PDE10A: variants seen among roughly 807,000 people sequenced by gnomAD.
PDE10A encodes the protein cAMP and cAMP-inhibited cGMP 3',5'-cyclic phosphodiesterase 10A.
PDE10A carries 39 observed loss-of-function variants against 97.7 expected under a neutral mutation model. The ratio of observed to expected loss-of-function variants is 0.40; its 90% CI spans 0.31 to 0.52. PDE10A has a LOEUF of 0.52. Among genes scored for constraint, PDE10A ranks in the 20% least tolerant of loss-of-function variants. PDE10A has a pLI of 0.56. For missense variants in PDE10A, 731 were observed against 1,047.8 expected, an observed-to-expected ratio of 0.70 and a Z score of 4.17; for synonymous variants, 371 against 376.8, an observed-to-expected ratio of 0.98 and a Z score of 0.18.
chr6:165,955,578 C>T (rs779729738), intron 1 of PDE10A, among the ~76,000 whole-genome samples: 1 of 152,152 alleles, frequency 6.6e-6, no homozygotes, highest in South Asian at 2.1e-4. Context: ...CCCACCATTT[C>T]AATTCAGGAA....
rs1790287112 is a variant in PDE10A at position 165,661,908 on chromosome 6, G to A, written c.865+39C>T. ...CCCACCTGCCCCCAGGGGATGAGGA[G>A]CCGCCCCACCTCCGGGGAACGGGGA... On this transcript the variant is annotated intron_variant, in intron 1 of 21. Transcript: ENST00000539869. This position sits in a 1 kb window ranked among gnomAD's most constrained non-coding sequence, Gnocchi z 4.8. The A allele has an allele frequency of 6.1e-6, 5 of 814,092 alleles. No individual in the cohort carries two copies. The highest frequency in any genetic ancestry group is 1.0e-5 in the Non-Finnish European group (5 of 485,794). The allele number at this position is 814,092 out of a possible 1,614,324, so 50.4% of individuals were successfully genotyped here.
chr6:165,632,143 T>C (rs1481254167), intron 1 of PDE10A, among the ~76,000 whole-genome samples: 1 of 133,606 alleles, frequency 7.5e-6, no homozygotes, highest in African/African-American at 2.8e-5. Context: ...GAGGTTGCAG[T>C]GAGCCAAGAT....
chr6:165,713,997 T>C (rs1345993905), intron 1 of PDE10A, among the ~76,000 whole-genome samples: 1 of 152,216 alleles, frequency 6.6e-6, no homozygotes, highest in Non-Finnish European at 1.5e-5. Flanking sequence ...GGTTGATGCA[T>C]ACACTGCCCA....
chr6:165,490,004 A>C (rs1665035672), intron 2 of PDE10A, among the ~76,000 whole-genome samples: 1 of 152,272 alleles, frequency 6.6e-6, no homozygotes, highest in Admixed American at 6.5e-5. Context: ...TAAATCTAAA[A>C]GTTTGGAAAA....
intron 1 of PDE10A, among the ~76,000 whole-genome samples, chr6:165,727,566 T>C (rs973122806): frequency 2.6e-5 from 4 of 152,024 alleles, no homozygotes; most frequent in African/African-American, 9.7e-5. Flanking sequence ...CCTCAGGGAG[T>C]GCACCAGCTC....
intron 1 of PDE10A, among the ~76,000 whole-genome samples, chr6:165,630,428 A>C (rs950970216): frequency 1.3e-5 from 2 of 152,236 alleles, no homozygotes; most frequent in African/African-American, 4.8e-5. Flanking sequence ...TAACTTCAAT[A>C]TAAAAGCAGA....
intron 1 of PDE10A, among the ~76,000 whole-genome samples, chr6:165,708,974 C>T (rs2128445559): frequency 1.4e-4 from 1 of 7,070 alleles, no homozygotes; most frequent in African/African-American, 1.5e-3. Context: ...CACGCTCACC[C>T]CCCACTCTCC....
intron 1 of PDE10A, among the ~76,000 whole-genome samples, chr6:165,982,475 T>C (rs1362580280): frequency 1.3e-5 from 2 of 152,166 alleles, no homozygotes; most frequent in South Asian, 2.1e-4. Flanking sequence ...AGCAAGATAG[T>C]CCAATTAGGG....
intron 1 of PDE10A, among the ~76,000 whole-genome samples, chr6:165,880,340 T>C (rs1781441436): frequency 6.6e-6 from 1 of 152,238 alleles, no homozygotes; most frequent in Non-Finnish European, 1.5e-5. Context: ...CCTGTTCAAA[T>C]TACTGTGTAG....
At chr6:165,863,966 C>T (rs1023001786) in intron 1 of PDE10A, among the ~76,000 whole-genome samples, 1 of 152,024 alleles carries the variant, frequency 6.6e-6, no homozygotes, top group African/African-American at 2.4e-5. Flanking sequence ...AAATAACATG[C>T]CTAAAGGGAA....
intron 1 of PDE10A, among the ~76,000 whole-genome samples, chr6:165,788,518 C>CAAAAAAAAA (rs56927613): frequency 2.7e-5 from 2 of 74,728 alleles, no homozygotes; most frequent in African/African-American, 6.1e-5. Context: ...AACTCTGTCT[C>CAAAAAAAAA]AAAAAAAAAA....
intron 1 of PDE10A, among the ~76,000 whole-genome samples, chr6:165,857,150 A>C (rs931541010): frequency 2.0e-5 from 3 of 152,204 alleles, no homozygotes; most frequent in African/African-American, 7.2e-5. Context: ...CTTACCACCA[A>C]GAGAATGCTT....
At chr6:165,554,846 G>A (rs879857500) in intron 1 of PDE10A, among the ~76,000 whole-genome samples, 4 of 152,114 alleles carry the variant, frequency 2.6e-5, no homozygotes, top group Non-Finnish European at 1.5e-5. Flanking sequence ...TAAAAAGGAA[G>A]GAGATATTGT....
intron 1 of PDE10A, among the ~76,000 whole-genome samples, chr6:165,619,030 T>C (rs1480492851): frequency 7.5e-6 from 1 of 132,702 alleles, no homozygotes; most frequent in African/African-American, 2.7e-5. Context: ...TAGCATAGTC[T>C]AGTGTAGTGT....
chr6:165,333,243 C>T (rs1781444445), intron 21 of PDE10A, 116 bp from the exon 22 acceptor site: 3 of 679,504 alleles, frequency 4.4e-6, no homozygotes, highest in African/African-American at 3.6e-5. Flanking sequence ...TTGTGTGGGG[C>T]CCTCCGACAT....
At chr6:165,562,700 C>CTTATCA (rs1311235126) in intron 1 of PDE10A, among the ~76,000 whole-genome samples, 1 of 152,168 alleles carries the variant, frequency 6.6e-6, no homozygotes. Flanking sequence ...AGATGGTTCT[C>CTTATCA]TTATCAACTA....
intron 1 of PDE10A, among the ~76,000 whole-genome samples, chr6:165,791,175 C>G (rs1238356631): frequency 6.6e-6 from 1 of 151,882 alleles, no homozygotes; most frequent in Non-Finnish European, 1.5e-5. Context: ...TCTCAAACTC[C>G]TCTTCTCAAG....
intron 1 of PDE10A, among the ~76,000 whole-genome samples, chr6:165,553,850 T>G (rs964047514): frequency 1.3e-5 from 2 of 152,166 alleles, no homozygotes; most frequent in African/African-American, 4.8e-5. Flanking sequence ...TGAAAAACAT[T>G]TTTTGATAGA....
chr6:165,402,456 T>C (rs1786743469), intron 13 of PDE10A, among the ~76,000 whole-genome samples: 1 of 152,150 alleles, frequency 6.6e-6, no homozygotes, highest in Non-Finnish European at 1.5e-5. Context: ...GGATTATTAG[T>C]AGATGATTTT....
Sources: allele counts gnomAD v4.1 joint callset (sites outside exome capture counted in the v4.1 genomes callset), GRCh38; gene constraint gnomAD v4.1.1; non-coding constraint Gnocchi (gnomAD v3.1); transcripts MANE v1.5; gene names NCBI Gene and HGNC (gene_info 2026-07-23, HGNC 2026-07-21).